Variants in ZNF827 observed in about 807,000 individuals in gnomAD.
ZNF827 encodes zinc finger protein 827.
In ZNF827, 13 loss-of-function variants were observed where a neutral mutation model predicts 102.4. The observed-to-expected ratio is 0.13, with a 90% CI of 0.08 to 0.20. ZNF827 has a LOEUF of 0.20. ZNF827 is among the 10% of genes least tolerant of loss of function. The probability of loss-of-function intolerance (pLI) is 1.00; values close to 1 mark genes in which losing one functional copy is unlikely to be tolerated. For missense variants in ZNF827, 1,103 were observed against 1,344.4 expected, an observed-to-expected ratio of 0.82 and a Z score of 2.81; for synonymous variants, 523 against 536.2, an observed-to-expected ratio of 0.98 and a Z score of 0.34.
chr4:145,786,961 C>G (rs1488880594), intron 8 of ZNF827, among the ~76,000 whole-genome samples: 1 of 152,110 alleles, frequency 6.6e-6, no homozygotes, highest in Non-Finnish European at 1.5e-5. Context: ...GTGACCTGTC[C>G]CATCATTTCA....
At chr4:145,803,397 C>T (rs1487919345) in intron 8 of ZNF827, among the ~76,000 whole-genome samples, 2 of 152,060 alleles carry the variant, frequency 1.3e-5, no homozygotes, top group East Asian at 3.9e-4. Flanking sequence ...AAAAAATGAG[C>T]TCAAGCTGGT....
chr4:145,826,497 T>C (rs1743692563), intron 7 of ZNF827, among the ~76,000 whole-genome samples: 1 of 152,194 alleles, frequency 6.6e-6, no homozygotes, highest in Non-Finnish European at 1.5e-5. Context: ...CTTTCTGTGA[T>C]TTCAGTTATC....
At chr4:145,920,960 A>G (rs760569938) in intron 1 of ZNF827, among the ~76,000 whole-genome samples, 16 of 152,388 alleles carry the variant, frequency 1.0e-4, no homozygotes, top group Non-Finnish European at 2.1e-4. Flanking sequence ...CTCACAGTCA[A>G]TAAGAACATC....
intron 6 of ZNF827, among the ~76,000 whole-genome samples, chr4:145,848,457 T>C (rs950980473): frequency 1.3e-5 from 2 of 152,246 alleles, no homozygotes; most frequent in African/African-American, 4.8e-5. Context: ...AAATGGATGC[T>C]CTAAATGTGT....
At chr4:145,828,881 A>T (rs1260415012) in intron 7 of ZNF827, among the ~76,000 whole-genome samples, 1 of 152,172 alleles carries the variant, frequency 6.6e-6, no homozygotes, top group Non-Finnish European at 1.5e-5. Flanking sequence ...ACATTTTGCT[A>T]AGTGCCTATT....
At chr4:145,850,286 AG>A (rs1359713214) in intron 5 of ZNF827, among the ~76,000 whole-genome samples, 1 of 152,186 alleles carries the variant, frequency 6.6e-6, no homozygotes, top group African/African-American at 2.4e-5. Flanking sequence ...CTGGGATTAC[AG>A]GCATGAGCCA....
chr4:145,761,704 A>AGGCCT lies in ZNF827; in HGVS notation c.*18-111_*18-107dup, dbSNP rs1734531719. 1.4e-6 allele frequency: 1 copy of AGGCCT among 703,502 alleles called. No individual in the cohort carries two copies. The highest frequency in any genetic ancestry group is 2.0e-6 in the Non-Finnish European group (1 of 493,526). The allele number at this position is 703,502 out of a possible 1,614,324, so 43.6% of individuals were successfully genotyped here. On this transcript the variant is annotated intron_variant, in intron 14 of 14. Coordinates refer to ENST00000508784, the MANE Select transcript of ZNF827 (RefSeq NM_001306215.2). The surrounding 1 kb of genome is among the most constrained non-coding windows in gnomAD (Gnocchi z 6.8). ...CCCTCACACCACCCCCCAGTGTCTG[A>AGGCCT]GGCCTGGCCTGCCCAGCCCAGCCCA...
At chr4:145,853,468 C>T (rs1471315814) in intron 5 of ZNF827, among the ~76,000 whole-genome samples, 2 of 152,082 alleles carry the variant, frequency 1.3e-5, no homozygotes, top group African/African-American at 2.4e-5. Flanking sequence ...TAGTCTCAGC[C>T]ACTCAGGAGG....
intron 7 of ZNF827, among the ~76,000 whole-genome samples, chr4:145,826,100 T>A (rs912095691): frequency 1.3e-5 from 2 of 152,210 alleles, no homozygotes; most frequent in African/African-American, 4.8e-5. Flanking sequence ...ATGCTCTGCA[T>A]TCGGATCCGT....
intron 1 of ZNF827, among the ~76,000 whole-genome samples, chr4:145,937,874 G>T (rs1754333901): frequency 6.9e-6 from 1 of 144,000 alleles, no homozygotes; most frequent in Non-Finnish European, 1.5e-5. Flanking sequence ...ACCCCCAAAC[G>T]CCATGTCACG....
chr4:145,798,239 T>C (rs1310826657), intron 8 of ZNF827, among the ~76,000 whole-genome samples: 2 of 152,236 alleles, frequency 1.3e-5, no homozygotes, highest in Non-Finnish European at 2.9e-5. Flanking sequence ...AAGTAAGATA[T>C]TGCCCTGCTT....
chr4:145,893,379 A>G (rs1424408737), intron 2 of ZNF827, among the ~76,000 whole-genome samples: 4 of 152,260 alleles, frequency 2.6e-5, no homozygotes, highest in African/African-American at 7.2e-5. Flanking sequence ...ATCATAAGGA[A>G]TCAGAAATAT....
At chr4:145,907,612 G>A (rs945898713) in intron 1 of ZNF827, among the ~76,000 whole-genome samples, 6 of 152,196 alleles carry the variant, frequency 3.9e-5, no homozygotes, top group Admixed American at 3.3e-4. Flanking sequence ...GCTTCCTGCG[G>A]TACAGTGACC....
chr4:145,800,729 T>C lies in ZNF827; in HGVS notation c.2384-21218A>G, dbSNP rs183648513. Among the ~76,000 whole-genome samples, 17 of 152,330 alleles carry C rather than the reference T, an allele frequency of 1.1e-4. No individual in the cohort carries two copies. The East Asian group carries it at 2.3e-3, about 21-fold the overall frequency. On this transcript the variant is annotated intron_variant, in intron 8 of 14. Transcript: ENST00000508784. ...GCTGTGCATTGCAGATTGTAGGATG[T>C]TTAAGAGCATCCCCAGCTTCCACCT...
chr4:145,868,301 G>A (rs1225402047), intron 5 of ZNF827, among the ~76,000 whole-genome samples: 2 of 152,212 alleles, frequency 1.3e-5, no homozygotes, highest in South Asian at 2.1e-4. Flanking sequence ...GGTCAGGGCT[G>A]TGATGCATAT....
chr4:145,936,940 C>G (rs879933917), intron 1 of ZNF827, among the ~76,000 whole-genome samples: 7 of 151,962 alleles, frequency 4.6e-5, no homozygotes, highest in South Asian at 2.1e-4. Context: ...GAAATTGACC[C>G]TCCGTCTCCC....
intron 8 of ZNF827, among the ~76,000 whole-genome samples, chr4:145,793,690 A>G (rs878999655): frequency 6.6e-6 from 1 of 152,052 alleles, no homozygotes; most frequent in Non-Finnish European, 1.5e-5. Flanking sequence ...GCATCCTTCA[A>G]TCCAATCAAG....
At chr4:145,807,750 G>A (rs180880052) in intron 8 of ZNF827, among the ~76,000 whole-genome samples, 66 of 149,204 alleles carry the variant, frequency 4.4e-4, no homozygotes, top group East Asian at 2.6e-3. Context: ...GATTACAGGC[G>A]TGAGCCACTG....
chr4:145,797,791 T>C (rs2127090441), intron 8 of ZNF827, among the ~76,000 whole-genome samples: 1 of 152,338 alleles, frequency 6.6e-6, no homozygotes, highest in Non-Finnish European at 1.5e-5. Context: ...TAAATGGAAA[T>C]GATTTATTCT....
Sources: allele counts gnomAD v4.1 joint callset (sites outside exome capture counted in the v4.1 genomes callset), GRCh38; gene constraint gnomAD v4.1.1; non-coding constraint Gnocchi (gnomAD v3.1); transcripts MANE v1.5; gene names NCBI Gene and HGNC (gene_info 2026-07-23, HGNC 2026-07-21).